DNAH3: variants seen among roughly 807,000 people sequenced by gnomAD.
DNAH3 encodes axonemal beta dynein heavy chain 3.
In DNAH3, 332 loss-of-function variants were observed where a neutral mutation model predicts 432.5. The ratio of observed to expected loss-of-function variants is 0.77; its 90% CI spans 0.70 to 0.84. DNAH3 has a LOEUF of 0.84. Ranked by LOEUF, DNAH3 falls within the 40% of genes least tolerant of loss-of-function variation. DNAH3 has a pLI of 0.00. For missense variants in DNAH3, 4,861 were observed against 5,114.0 expected, an observed-to-expected ratio of 0.95 and a Z score of 1.51; for synonymous variants, 1,956 against 1,900.2, an observed-to-expected ratio of 1.03 and a Z score of -0.76.
chr16:20,996,141 C>T (rs529487517), intron 44 of DNAH3, among the ~76,000 whole-genome samples: 20 of 152,332 alleles, frequency 1.3e-4, no homozygotes, highest in Non-Finnish European at 2.5e-4. Context: ...GATCTGAAAA[C>T]TGTGCAGCCT....
chr16:20,997,772 G>A (rs2086825755), intron 43 of DNAH3, among the ~76,000 whole-genome samples: 1 of 150,336 alleles, frequency 6.7e-6, no homozygotes. Context: ...GCCGAGGCAG[G>A]CAGATTGCTT....
chr16:20,985,279 A>G, exon 48 of DNAH3: 1 of 1,613,474 alleles, frequency 6.2e-7, no homozygotes, highest in African/African-American at 1.3e-5. Flanking sequence ...GAAGAGGAAC[A>G]CGGTGCTCTT....
intron 1 of DNAH3, among the ~76,000 whole-genome samples, chr16:21,157,991 C>G (rs1464338678): frequency 6.6e-6 from 1 of 152,002 alleles, no homozygotes; most frequent in Non-Finnish European, 1.5e-5. Flanking sequence ...CAATCCACAG[C>G]TCAGAAACAG....
rs1423950207 is a variant in DNAH3 at position 20,953,297 on chromosome 16, T to TC, written c.11072-749_11072-748insG. On this transcript the variant is annotated intron_variant, in intron 55 of 61. Transcript: ENST00000261383. ...TCTCAGCCTCCTGAGTGGCTGGGATTACAGGCACGTGCCACCACGCCCAGC... is the reference window on the plus strand; with the variant it reads ...TCTCAGCCTCCTGAGTGGCTGGGATTCACAGGCACGTGCCACCACGCCCAGC... Among the ~76,000 whole-genome samples, 3 of 152,042 alleles carry TC rather than the reference T, an allele frequency of 2.0e-5. No homozygotes were observed. In the East Asian group the frequency reaches 5.8e-4, roughly 29 times the overall value.
chr16:21,071,811 G>T (rs1381024581), intron 21 of DNAH3, among the ~76,000 whole-genome samples: 3 of 151,970 alleles, frequency 2.0e-5, no homozygotes, highest in African/African-American at 4.8e-5. Context: ...GACATAATCT[G>T]CTGGGGAGGA....
intron 60 of DNAH3, 80 bp downstream of exon 60, chr16:20,936,569 C>T: frequency 1.5e-6 from 2 of 1,297,044 alleles, no homozygotes; most frequent in Non-Finnish European, 2.1e-6. Context: ...CCTCCCCCTG[C>T]CTCTAGTCTG....
intron 31 of DNAH3, among the ~76,000 whole-genome samples, chr16:21,045,844 G>C (rs1393265506): frequency 3.6e-5 from 5 of 140,138 alleles, no homozygotes; most frequent in African/African-American, 1.3e-4. Context: ...ACACTGCTTT[G>C]AATGCGTCCC....
At chr16:21,101,275 G>A (rs932583579) in intron 16 of DNAH3, among the ~76,000 whole-genome samples, 2 of 152,122 alleles carry the variant, frequency 1.3e-5, no homozygotes, top group Non-Finnish European at 2.9e-5. Context: ...ATGGTTGTAT[G>A]GGTACTCAAC....
chr16:21,143,439 G>A (rs1234005300), intron 3 of DNAH3, among the ~76,000 whole-genome samples: 2 of 152,180 alleles, frequency 1.3e-5, no homozygotes, highest in Non-Finnish European at 2.9e-5. Flanking sequence ...ATCAGGAAGA[G>A]GACCTTCATC....
chr16:20,940,199 C>A (rs1026293573), intron 59 of DNAH3, among the ~76,000 whole-genome samples: 1 of 152,162 alleles, frequency 6.6e-6, no homozygotes, highest in African/African-American at 2.4e-5. Flanking sequence ...CAACCTTGGG[C>A]AAGTCTTAAC....
intron 61 of DNAH3, among the ~76,000 whole-genome samples, chr16:20,933,930 A>C (rs1209002348): frequency 6.6e-6 from 1 of 152,214 alleles, no homozygotes; most frequent in Non-Finnish European, 1.5e-5. Context: ...TGGTATAAAG[A>C]CTTCCACCAT....
rs2092833947 is a variant in DNAH3, at chr16:21,150,092, G to A, written c.118-4004C>T. On this transcript the variant is annotated intron_variant, in intron 1 of 61. Coordinates refer to ENST00000261383, the Ensembl canonical transcript of DNAH3. ...AATACAAAATTAGCCAGGTGTGGTG[G>A]CACATGCCTGTAATCCCAGCTACTC... is the stretch of plus-strand genomic sequence containing the variant. 5.3e-5 allele frequency among the ~76,000 whole-genome samples: 8 copies of A among 152,138 alleles called. 1 individual carries two copies. In the South Asian group the frequency reaches 1.2e-3, roughly 24 times the overall value.
At chr16:21,020,920 C>A (rs1322080197) in intron 40 of DNAH3, among the ~76,000 whole-genome samples, 1 of 152,068 alleles carries the variant, frequency 6.6e-6, no homozygotes, top group Admixed American at 6.6e-5. Flanking sequence ...CCCTTGCAAC[C>A]AGAACTCTCC....
In DNAH3 at chr16:20,938,779, G is replaced by C. The variant is rs550378469; in HGVS notation, c.11655-1926C>G. Among the ~76,000 whole-genome samples the C allele has an allele frequency of 1.2e-4, 18 of 151,772 alleles. No individual in the cohort carries two copies. In the South Asian group the frequency reaches 3.5e-3, roughly 30 times the overall value. On this transcript the variant is annotated intron_variant, in intron 59 of 61. Coordinates refer to ENST00000261383, the Ensembl canonical transcript of DNAH3. ...ATTGGAAAATAAGATTGCTTTCCCT[G>C]TTCTTTTTTTCTTTTGAGACAGGGT...
At chr16:21,112,794 T>C (rs924006611) in intron 12 of DNAH3, among the ~76,000 whole-genome samples, 3 of 152,106 alleles carry the variant, frequency 2.0e-5, no homozygotes, top group Non-Finnish European at 2.9e-5. Flanking sequence ...CTTGCATCAA[T>C]ATAACCTGGA....
At chr16:20,987,887 G>A (rs200771790) in intron 45 of DNAH3, 38 bp from the exon 46 acceptor site, 36 of 1,613,994 alleles carry the variant, frequency 2.2e-5, no homozygotes, top group Non-Finnish European at 2.9e-5. Flanking sequence ...TCAAGGAGGG[G>A]CCAGAAACTG....
chr16:21,134,737 A>T (rs2092619288), intron 6 of DNAH3, among the ~76,000 whole-genome samples: 1 of 151,830 alleles, frequency 6.6e-6, no homozygotes, highest in Non-Finnish European at 1.5e-5. Flanking sequence ...CTCGATTGCA[A>T]TGGTTCAATC....
chr16:21,056,901 T>C (rs2090155597), intron 27 of DNAH3, among the ~76,000 whole-genome samples: 1 of 152,226 alleles, frequency 6.6e-6, no homozygotes, highest in Non-Finnish European at 1.5e-5. Flanking sequence ...ATGTGTACAG[T>C]GCAATATGTC....
chr16:20,992,890 G>C (rs770556098), intron 44 of DNAH3, among the ~76,000 whole-genome samples: 3 of 152,142 alleles, frequency 2.0e-5, no homozygotes, highest in Non-Finnish European at 4.4e-5. Flanking sequence ...CGTTGAGACA[G>C]AGTCTCACTT....
Sources: allele counts gnomAD v4.1 joint callset (sites outside exome capture counted in the v4.1 genomes callset), GRCh38; gene constraint gnomAD v4.1.1; transcripts MANE v1.5; gene names NCBI Gene and HGNC (gene_info 2026-07-23, HGNC 2026-07-21).